Variants in TNR observed in about 807,000 individuals in gnomAD.
The protein encoded by TNR is tenascin-R.
In TNR, 45 loss-of-function variants were observed where a neutral mutation model predicts 150.4. The observed-to-expected ratio is 0.30, with a 90% CI of 0.24 to 0.38. TNR has a LOEUF of 0.38. TNR is among the 10% of genes least tolerant of loss of function. The probability of loss-of-function intolerance (pLI) is 1.00; values close to 1 mark genes in which losing one functional copy is unlikely to be tolerated. For synonymous variants in TNR, 687 were observed against 678.4 expected, an observed-to-expected ratio of 1.01 and a Z score of -0.20; for missense variants, 1,544 against 1,759.1, an observed-to-expected ratio of 0.88 and a Z score of 2.19.
chr1:175,406,080 C>CAAAAA (rs1653944536), intron 3 of TNR, 136 bp downstream of exon 3: 1 of 1,185,012 alleles, frequency 8.4e-7, no homozygotes, highest in African/African-American at 1.5e-5. Context: ...TTCCTTTGAC[C>CAAAAA]GTGTGAAGAG....
In TNR at chr1:175,317,360, T is replaced by C. The variant is rs1199157567; in HGVS notation, c.*5997A>G. 1 of 152,236 alleles carries C rather than the reference T, an allele frequency of 6.6e-6. No individual in the cohort carries two copies. The highest frequency in any genetic ancestry group is 1.9e-4 in the East Asian group (1 of 5,202). The allele number at this position is 152,236 out of a possible 1,614,324, so 9.4% of individuals were successfully genotyped here. A position where few individuals can be genotyped will look rare whatever the true frequency, so the allele number is the denominator to read the frequency against. On this transcript the variant is annotated 3_prime_UTR_variant, in exon 23 of 23. Transcript: ENST00000367674. ...GAGAGGAAATAAAATGAGAGGATTA[T>C]ATTAGATGATCTTGAGTCCCATCCA... is the stretch of plus-strand genomic sequence containing the variant.
intron 1 of TNR, among the ~76,000 whole-genome samples, chr1:175,558,198 A>C (rs1008823480): frequency 1.4e-5 from 2 of 145,614 alleles, no homozygotes; most frequent in African/African-American, 5.1e-5. Flanking sequence ...GGTGCAGCGC[A>C]CCAGCATGGC....
chr1:175,713,294 C>A (rs1051881959), intron 1 of TNR, among the ~76,000 whole-genome samples: 3 of 152,196 alleles, frequency 2.0e-5, no homozygotes. Flanking sequence ...ATGTACTGCA[C>A]AACCGTCTAT....
intron 1 of TNR, among the ~76,000 whole-genome samples, chr1:175,710,912 C>A (rs1032111931): frequency 6.6e-6 from 1 of 152,114 alleles, no homozygotes; most frequent in Non-Finnish European, 1.5e-5. Context: ...GATGGGCTAG[C>A]TGACACAGGC....
intron 1 of TNR, among the ~76,000 whole-genome samples, chr1:175,536,809 G>A (rs28450558): frequency 6.6e-6 from 1 of 152,174 alleles, no homozygotes; most frequent in Non-Finnish European, 1.5e-5. Context: ...TGAGCACTAG[G>A]ATAATTAGCA....
chr1:175,397,437 C>T (rs1653486345), intron 4 of TNR, among the ~76,000 whole-genome samples: 1 of 152,130 alleles, frequency 6.6e-6, no homozygotes, highest in African/African-American at 2.4e-5. Context: ...TTTAACAGCA[C>T]ACCACTGGCC....
intron 1 of TNR, among the ~76,000 whole-genome samples, chr1:175,652,121 A>C (rs115544725): frequency 0.05 from 7,352 of 148,046 alleles, 470 homozygotes; most frequent in African/African-American, 0.14. Context: ...ATTATGTATA[A>C]TACATTATAT....
At chr1:175,708,982 G>A (rs898555261) in intron 1 of TNR, among the ~76,000 whole-genome samples, 12 of 132,950 alleles carry the variant, frequency 9.0e-5, no homozygotes, top group African/African-American at 4.0e-4. Context: ...GCACCCCCAC[G>A]TGGCGAGCAT....
intron 1 of TNR, among the ~76,000 whole-genome samples, chr1:175,715,914 G>T (rs1445120338): frequency 6.6e-6 from 1 of 152,186 alleles, no homozygotes; most frequent in Non-Finnish European, 1.5e-5. Flanking sequence ...GGATGCAACT[G>T]CCCTACTTCC....
At chr1:175,499,314 A>T (rs1658627234) in intron 2 of TNR, among the ~76,000 whole-genome samples, 1 of 152,230 alleles carries the variant, frequency 6.6e-6, no homozygotes, top group Non-Finnish European at 1.5e-5. Flanking sequence ...GACATGTTTG[A>T]GTATTTAATA....
intron 9 of TNR, among the ~76,000 whole-genome samples, chr1:175,378,920 C>T (rs1652533282): frequency 6.6e-6 from 1 of 152,218 alleles, no homozygotes; most frequent in African/African-American, 2.4e-5. Context: ...TGGCTCACAC[C>T]TGTAATCCCA....
chr1:175,498,207 C>T (rs1407196689), intron 2 of TNR, among the ~76,000 whole-genome samples: 3 of 152,212 alleles, frequency 2.0e-5, no homozygotes, highest in African/African-American at 7.2e-5. Flanking sequence ...ACTTGTGCAA[C>T]CTCTTGCATA....
At chr1:175,551,927 C>T (rs150824806) in intron 1 of TNR, among the ~76,000 whole-genome samples, 70 of 152,170 alleles carry the variant, frequency 4.6e-4, no homozygotes, top group Middle Eastern at 3.4e-3. Flanking sequence ...GGGTCTAAAT[C>T]CTTACCTTCC....
At chr1:175,399,113 G>A (rs1007923340) in intron 4 of TNR, among the ~76,000 whole-genome samples, 1 of 152,294 alleles carries the variant, frequency 6.6e-6, no homozygotes, top group East Asian at 1.9e-4. Flanking sequence ...TAATTCAGAC[G>A]ATCTTAATAG....
intron 15 of TNR, among the ~76,000 whole-genome samples, chr1:175,358,011 G>A (rs10489318): frequency 6.6e-6 from 1 of 152,062 alleles, no homozygotes; most frequent in African/African-American, 2.4e-5. Flanking sequence ...AAGAGATAGG[G>A]TTGAAACCAC....
chr1:175,342,472 G>T (rs2227160), intron 18 of TNR, among the ~76,000 whole-genome samples: 73,135 of 152,102 alleles, frequency 0.48, 19,680 homozygotes, highest in East Asian at 0.77. Flanking sequence ...GTGCTGGGGA[G>T]GTAAGCAGGG....
At chr1:175,376,499 A>T (rs1473494469) in intron 9 of TNR, among the ~76,000 whole-genome samples, 4 of 152,146 alleles carry the variant, frequency 2.6e-5, no homozygotes, top group Admixed American at 1.3e-4. Context: ...GGCTCTTAGC[A>T]TGTTGCATGG....
At chr1:175,479,075 T>A (rs1293439477) in intron 2 of TNR, among the ~76,000 whole-genome samples, 1 of 152,158 alleles carries the variant, frequency 6.6e-6, no homozygotes, top group Non-Finnish European at 1.5e-5. Context: ...TAGAAAAAAT[T>A]AAGGTTTAGA....
At chr1:175,363,919 T>G (rs1651715232) in intron 12 of TNR, 92 bp from the exon 13 acceptor site, 1 of 1,469,124 alleles carries the variant, frequency 6.8e-7, no homozygotes, top group African/African-American at 1.4e-5. Context: ...CAAAAGCCAA[T>G]GTTGTCCCAA....
Sources: gnomAD v4.1 joint callset for allele counts (sites outside exome capture counted in the v4.1 genomes callset) on GRCh38, gnomAD v4.1.1 for gene constraint, MANE v1.5 for transcripts, NCBI Gene and HGNC (gene_info 2026-07-23, HGNC 2026-07-21) for gene names.